Variants in LTBP2 observed in about 807,000 individuals in gnomAD.
LTBP2 encodes latent-transforming growth factor beta-binding protein 2.
LTBP2 carries 103 observed loss-of-function variants against 210.6 expected under a neutral mutation model. The observed-to-expected ratio is 0.49, with a 90% confidence interval of 0.42 to 0.58. The LOEUF is 0.58. Ranked by LOEUF, LTBP2 falls within the 20% of genes least tolerant of loss-of-function variation. LTBP2 has a pLI of 0.00. For missense variants in LTBP2, 2,313 were observed against 2,494.5 expected, an observed-to-expected ratio of 0.93 and a Z score of 1.55; for synonymous variants, 1,007 against 1,015.0, an observed-to-expected ratio of 0.99 and a Z score of 0.15.
rs745675927 is a variant in LTBP2, at chr14:74,555,608, C to A, written c.916G>T (p.Ala306Ser). ...RTVRLHPTAT[A>S]SSQLSSNALP... is the part of the protein sequence containing the mutation. ...GCGTTGGAAGAGAGCTGGCTACTGG[C>A]CGTGGCAGTCGGGTGAAGTCGGACA... The change falls in exon 4 of 36, where the codon GCC becomes TCC. Residue 306 changes from alanine to serine, a missense_variant. By Grantham distance (99) the Ala-to-Ser change is moderately conservative. Transcript: ENST00000261978. 1 of 1,610,164 alleles carries A rather than the reference C, an allele frequency of 6.2e-7. No homozygotes were observed. The highest frequency in any genetic ancestry group is 8.5e-7 in the Non-Finnish European group (1 of 1,177,528).
chr14:74,556,119 AT>A (rs1219782922), intron 3 of LTBP2, among the ~76,000 whole-genome samples: 4 of 152,192 alleles, frequency 2.6e-5, no homozygotes, highest in African/African-American at 9.7e-5. Flanking sequence ...ATATCCCTTA[AT>A]ATGAATTACC....
chr14:74,526,243 G>T, intron 13 of LTBP2, 129 bp from the exon 14 acceptor site: 1 of 878,032 alleles, frequency 1.1e-6, no homozygotes, highest in Non-Finnish European at 1.9e-6. Context: ...TTCATTCCAG[G>T]TATTGATGAG....
At chr14:74,505,425 A>G (rs1171934329) in intron 28 of LTBP2, among the ~76,000 whole-genome samples, 3 of 152,176 alleles carry the variant, frequency 2.0e-5, no homozygotes, top group African/African-American at 7.2e-5. Context: ...GCAGTGCAGC[A>G]GGGATCTGAC....
In LTBP2 at chr14:74,532,478, C is replaced by T; in HGVS notation, c.1935G>A (p.Leu645=). The part of the protein sequence containing the change: ...AECVNTRGSY[L]CTCRPGLMLD... ...GCATGAGGCCAGGTCTGCATGTGCA[C>T]AGGTAGCTGCCCCTGGTATTCACAC... The change falls in exon 10 of 36, where the codon CTG becomes CTA. Residue 645 remains leucine (L), a synonymous_variant. Transcript: ENST00000261978. 1.2e-6 allele frequency: 2 copies of T among 1,614,222 alleles called. No homozygotes were observed. The highest frequency in any genetic ancestry group is 1.7e-5 in the Admixed American group (1 of 60,030).
intron 18 of LTBP2, among the ~76,000 whole-genome samples, chr14:74,513,095 G>C (rs1041658260): frequency 1.3e-5 from 2 of 152,250 alleles, no homozygotes; most frequent in Admixed American, 1.3e-4. Context: ...TTCCTGCAGG[G>C]ATCAGGCAAC....
At chr14:74,501,839 G>C in intron 34 of LTBP2, 1 of 555,472 alleles carries the variant, frequency 1.8e-6, no homozygotes. Flanking sequence ...GGGAGGCTGA[G>C]ACTCGCTGCT....
chr14:74,585,378 T>C (rs1194012284), intron 3 of LTBP2, among the ~76,000 whole-genome samples: 2 of 152,254 alleles, frequency 1.3e-5, no homozygotes, highest in Non-Finnish European at 2.9e-5. Flanking sequence ...AGCTTCCATA[T>C]GTGCCAGGCA....
In LTBP2 at chr14:74,503,779, T is replaced by C. The variant is rs554425087; in HGVS notation, c.4582+147A>G. 2.8e-6 allele frequency: 4 copies of C among 1,412,764 alleles called. No individual in the cohort carries two copies. The East Asian group carries it at 9.9e-5, about 35-fold the overall frequency. 87.5% of individuals were successfully genotyped at this position (1,412,764 alleles called of 1,614,324 possible). ...GGGACAATCTCTGACAGCCCACAGC[T>C]CCTTCACCTGGGACCAGCCTGCTGC... On this transcript the variant is annotated intron_variant, in intron 31 of 35. Transcript: ENST00000261978.
At chr14:74,535,822 G>A (rs974236798) in intron 9 of LTBP2, 104 bp downstream of exon 9, 53 of 985,196 alleles carry the variant, frequency 5.4e-5, no homozygotes, top group Non-Finnish European at 8.1e-5. Context: ...GGGCTTAGAG[G>A]GACTCAGTGG....
At chr14:74,600,605 G>A (rs772882024) in intron 2 of LTBP2, among the ~76,000 whole-genome samples, 10 of 152,056 alleles carry the variant, frequency 6.6e-5, no homozygotes, top group Non-Finnish European at 1.5e-4. Flanking sequence ...GGGCCCAAGT[G>A]AGACCTATGC....
chr14:74,525,344 C>T (rs1216407090), intron 14 of LTBP2, 119 bp from the exon 15 acceptor site: 1 of 442,384 alleles, frequency 2.3e-6, no homozygotes, highest in African/African-American at 2.0e-5. Flanking sequence ...TGGGTCACTC[C>T]CATGCCTTCC....
chr14:74,524,465 A>G (rs1484276947), intron 15 of LTBP2, among the ~76,000 whole-genome samples: 1 of 152,082 alleles, frequency 6.6e-6, no homozygotes, highest in East Asian at 1.9e-4. Flanking sequence ...AGAGAGCAGG[A>G]GCCCCAGGAG....
chr14:74,567,644 T>G (rs2087921562), intron 3 of LTBP2, among the ~76,000 whole-genome samples: 1 of 152,122 alleles, frequency 6.6e-6, no homozygotes, highest in Non-Finnish European at 1.5e-5. Context: ...CCCAAAGGGT[T>G]GCAGCTCGGC....
At chr14:74,510,278 G>C (rs1374494436) in intron 19 of LTBP2, 65 bp from the exon 20 acceptor site, 19 of 1,602,816 alleles carry the variant, frequency 1.2e-5, no homozygotes, top group Non-Finnish European at 1.5e-5. Flanking sequence ...CCGCTGGCAG[G>C]CTCCAAGCAT....
chr14:74,520,210 C>T (rs2087183701), intron 17 of LTBP2, among the ~76,000 whole-genome samples: 1 of 152,222 alleles, frequency 6.6e-6, no homozygotes, highest in African/African-American at 2.4e-5. Flanking sequence ...ACCTGGAATA[C>T]CCTCTGCTCC....
chr14:74,509,442 C>A, intron 21 of LTBP2, 79 bp from the exon 22 acceptor site: 1 of 1,597,840 alleles, frequency 6.3e-7, no homozygotes, highest in Non-Finnish European at 8.6e-7. Context: ...ACCGTGGCTT[C>A]CCTCTCTGAG....
rs1242643512 is a variant in LTBP2, at chr14:74,506,723, G to C, written c.4008C>G (p.Ile1336Met). The C allele has an allele frequency of 6.2e-7, 1 of 1,613,822 alleles. No homozygotes were observed. Among genetic ancestry groups the C allele is most frequent in the Non-Finnish European group, 8.5e-7 (1 of 1,180,014 alleles). Reference sequence around the variant, plus strand: ...CCACACAGTCCCAGCCTGAGGGAGAGATCTCGAAGCCCTGGTCACAGAGGC... The same window carrying C: ...CCACACAGTCCCAGCCTGAGGGAGACATCTCGAAGCCCTGGTCACAGAGGC... ...FRCLCDQGFEISPSGWDCVDV... is the reference protein window; with the variant it reads ...FRCLCDQGFEMSPSGWDCVDV... Residue 1336 changes from isoleucine (I) to methionine (M), a missense_variant, in exon 27 of 36, where the codon ATC becomes ATG. Coordinates refer to ENST00000261978, the MANE Select transcript of LTBP2 (RefSeq NM_000428.3).
chr14:74,509,779 A>T lies in LTBP2; in HGVS notation c.3232T>A (p.Cys1078Ser), dbSNP rs2087046182. The T allele has an allele frequency of 6.2e-7, 1 of 1,614,098 alleles. No homozygotes were observed. The highest frequency in any genetic ancestry group is 8.5e-7 in the Non-Finnish European group (1 of 1,180,026). ...NTEGSFACSA[C>S]ENGYWVNEDG... ...TCATTCACCCAGTACCCGTTCTCACAGGCAGAGCAGGCGAAGGAGCCCTCC... is the reference window on the plus strand; with the variant it reads ...TCATTCACCCAGTACCCGTTCTCACTGGCAGAGCAGGCGAAGGAGCCCTCC... The change falls in exon 21 of 36, where the codon TGT becomes AGT. Residue 1078 changes from cysteine to serine, a missense_variant. This residue lies in a region of LTBP2 where 1,867 missense variants were observed against 1,976.9 expected (regional missense o/e 0.94). Coordinates refer to ENST00000261978, the MANE Select transcript of LTBP2 (RefSeq NM_000428.3).
intron 2 of LTBP2, among the ~76,000 whole-genome samples, chr14:74,594,249 C>G (rs1454124389): frequency 6.6e-6 from 1 of 152,194 alleles, no homozygotes; most frequent in East Asian, 1.9e-4. Flanking sequence ...GTCATCGGCT[C>G]TCTCTCCTGG....
Sources: gnomAD v4.1 joint callset for allele counts (sites outside exome capture counted in the v4.1 genomes callset) on GRCh38, gnomAD v4.1.1 for gene constraint, gnomAD v4.1.1 regional missense constraint, MANE v1.5 for transcripts, NCBI Gene and HGNC (gene_info 2026-07-23, HGNC 2026-07-21) for gene names.